The following TRERF1 variants were observed in gnomAD, a reference collection of about 807,000 sequenced individuals.
TRERF1 encodes transcriptional regulating factor 1.
TRERF1 carries 27 observed loss-of-function variants against 122.9 expected under a neutral mutation model. The ratio of observed to expected loss-of-function variants is 0.22; its 90% CI spans 0.16 to 0.30. The LOEUF (loss-of-function observed/expected upper bound fraction) is 0.30, where lower values mean the gene tolerates loss of function less well. Among genes scored for constraint, TRERF1 ranks in the 10% least tolerant of loss-of-function variants. The probability of loss-of-function intolerance (pLI) is 1.00; values close to 1 mark genes in which losing one functional copy is unlikely to be tolerated. For missense variants in TRERF1, 1,248 were observed against 1,560.3 expected (o/e 0.80, Z 3.37); for synonymous variants, 636 against 641.7 (o/e 0.99, Z 0.13).
chr6:42,257,426 A>G (rs1776976785), intron 10 of TRERF1, among the ~76,000 whole-genome samples: 1 of 152,198 alleles, frequency 6.6e-6, no homozygotes, highest in African/African-American at 2.4e-5. Context: ...ATTTAACAAC[A>G]CAAAAAAGGG....
chr6:42,426,786 G>A lies in TRERF1; in HGVS notation c.-454+24391C>T, dbSNP rs545700622. Among the ~76,000 whole-genome samples, 10 of 152,138 alleles carry A rather than the reference G, an allele frequency of 6.6e-5. No homozygotes were observed. The East Asian group carries it at 1.2e-3, about 18-fold the overall frequency. On this transcript the variant is annotated intron_variant, in intron 2 of 17. Transcript: ENST00000372922. ...AGTTGAGTAGTTAGGACAGAGATAC[G>A]GCCCACAAAGTAAAAATATCTACTC... is the stretch of plus-strand genomic sequence containing the variant.
At chr6:42,376,269 T>C (rs140728622) in intron 2 of TRERF1, among the ~76,000 whole-genome samples, 2 of 152,344 alleles carry the variant, frequency 1.3e-5, no homozygotes, top group African/African-American at 4.8e-5. Context: ...TCTCCTTTTA[T>C]AAGCTAATAT....
chr6:42,404,064 A>G (rs1408572700), intron 2 of TRERF1, among the ~76,000 whole-genome samples: 1 of 152,056 alleles, frequency 6.6e-6, no homozygotes, highest in Non-Finnish European at 1.5e-5. Context: ...CCCACCTGCA[A>G]GAGGGAACAT....
At chr6:42,429,875 G>A (rs1230230230) in intron 2 of TRERF1, among the ~76,000 whole-genome samples, 4 of 152,134 alleles carry the variant, frequency 2.6e-5, no homozygotes, top group East Asian at 1.9e-4. Context: ...TGGGTCATTC[G>A]GGCGAAGGTG....
intron 2 of TRERF1, among the ~76,000 whole-genome samples, chr6:42,418,237 T>TTTTTTTTA (rs67466249): frequency 8.5e-6 from 1 of 117,028 alleles, no homozygotes; most frequent in Non-Finnish European, 1.8e-5. Context: ...TTTTTTTTTT[T>TTTTTTTTA]GAGATGGAGT....
chr6:42,405,704 A>G (rs905082992), intron 2 of TRERF1, among the ~76,000 whole-genome samples: 2 of 151,828 alleles, frequency 1.3e-5, no homozygotes, highest in African/African-American at 4.8e-5. Flanking sequence ...CTGAGGTGGG[A>G]GGACTGCTTG....
chr6:42,233,992 G>A (rs11965365), intron 16 of TRERF1, among the ~76,000 whole-genome samples: 4,878 of 152,240 alleles, frequency 0.032, 279 homozygotes, highest in African/African-American at 0.11. Context: ...CTTAACATCA[G>A]CACTACTATC....
In TRERF1 at chr6:42,393,102, C is replaced by T. The variant is rs1778040685; in HGVS notation, c.-453-30023G>A. On this transcript the variant is annotated intron_variant, in intron 2 of 17. Coordinates refer to ENST00000372922, the Ensembl canonical transcript of TRERF1. The surrounding 1 kb of genome is among the most constrained non-coding windows in gnomAD (Gnocchi z 4.1). ...GCGAGCCAGCTTCCACACGCATCAC[C>T]GATCTAGGTCCTATTGTCAATAATC... Among the ~76,000 whole-genome samples the T allele has an allele frequency of 6.6e-6, 1 of 152,180 alleles. No homozygotes were observed. Among genetic ancestry groups the T allele is most frequent in the Admixed American group, 6.5e-5 (1 of 15,284 alleles).
intron 4 of TRERF1, among the ~76,000 whole-genome samples, chr6:42,279,087 G>C (rs1272541585): frequency 1.3e-5 from 2 of 152,226 alleles, no homozygotes; most frequent in African/African-American, 2.4e-5. Context: ...GGGGAAGGCA[G>C]AGAAGAACAA....
At chr6:42,347,999 C>T (rs547367894) in intron 3 of TRERF1, among the ~76,000 whole-genome samples, 2 of 152,324 alleles carry the variant, frequency 1.3e-5, no homozygotes, top group South Asian at 2.1e-4. Context: ...TTCTAAATGG[C>T]ACACCTATCC....
intron 2 of TRERF1, among the ~76,000 whole-genome samples, chr6:42,381,816 G>A (rs1775975212): frequency 6.7e-6 from 1 of 149,446 alleles, no homozygotes; most frequent in South Asian, 2.2e-4. Flanking sequence ...TCAAGCACAG[G>A]AGGGCTCAGG....
intron 4 of TRERF1, among the ~76,000 whole-genome samples, chr6:42,284,277 G>C (rs1375368285): frequency 6.7e-6 from 1 of 149,868 alleles, no homozygotes; most frequent in African/African-American, 2.5e-5. Flanking sequence ...TGTTTCCCAG[G>C]CTGGTCTTGA....
intron 3 of TRERF1, among the ~76,000 whole-genome samples, chr6:42,310,673 G>A (rs1788086066): frequency 1.3e-5 from 2 of 152,160 alleles, no homozygotes; most frequent in African/African-American, 4.8e-5. Context: ...CTGCTCTAGT[G>A]TAATCAAGAG....
At chr6:42,358,783 C>CT (rs397886998) in intron 3 of TRERF1, among the ~76,000 whole-genome samples, 2,578 of 125,120 alleles carry the variant, frequency 0.021, 39 homozygotes, top group Middle Eastern at 0.031. Context: ...TGACCTAAAG[C>CT]TTTTTTTTTT....
At chr6:42,427,554 C>CTT (rs11313717) in intron 2 of TRERF1, among the ~76,000 whole-genome samples, 57 of 143,008 alleles carry the variant, frequency 4.0e-4, no homozygotes, top group African/African-American at 1.0e-3. Context: ...CCCTGCCTTA[C>CTT]TTTTTTTTTT....
chr6:42,375,003 C>CAAAAA (rs55696342), intron 2 of TRERF1, among the ~76,000 whole-genome samples: 1 of 87,506 alleles, frequency 1.1e-5, no homozygotes, highest in Admixed American at 1.3e-4. Context: ...AAGATTCTGT[C>CAAAAA]AAAAAAAAAA....
At position 42,349,071 on chromosome 6, in the gene TRERF1, T is replaced by A. The variant is rs140544806; in HGVS notation, c.-371+13926A>T. On this transcript the variant is annotated intron_variant, in intron 3 of 17. Transcript: ENST00000372922. Reference sequence around the variant, plus strand: ...GCTTGGAACTGCAGAAGGCTCTGTATAATGCACCGTGAGGATTTGGAGGTA... The same window carrying A: ...GCTTGGAACTGCAGAAGGCTCTGTAAAATGCACCGTGAGGATTTGGAGGTA... Among the ~76,000 whole-genome samples, 307 of 152,310 alleles carry A rather than the reference T, an allele frequency of 2.0e-3. 2 individuals carry two copies. Among genetic ancestry groups the A allele is most frequent in the African/African-American group, 7.0e-3 (290 of 41,578 alleles).
intron 4 of TRERF1, among the ~76,000 whole-genome samples, chr6:42,273,301 C>T (rs925332628): frequency 3.3e-5 from 5 of 152,054 alleles, no homozygotes; most frequent in African/African-American, 1.2e-4. Flanking sequence ...GGAGTCTCTT[C>T]CTCAAACCAA....
chr6:42,262,068 G>A (rs1308818050), intron 8 of TRERF1, among the ~76,000 whole-genome samples: 2 of 152,000 alleles, frequency 1.3e-5, no homozygotes, highest in African/African-American at 4.8e-5. Context: ...TTTCCCCAAG[G>A]AAACACTGTT....
Sources: gnomAD v4.1 joint callset for allele counts (sites outside exome capture counted in the v4.1 genomes callset) on GRCh38, gnomAD v4.1.1 for gene constraint, Gnocchi (gnomAD v3.1) non-coding constraint, MANE v1.5 for transcripts, NCBI Gene and HGNC (gene_info 2026-07-23, HGNC 2026-07-21) for gene names.